The following DNAJC5B variants were observed in gnomAD, a reference collection of about 807,000 sequenced individuals.
DNAJC5B encodes the protein dnaJ homolog subfamily C member 5B.
In DNAJC5B, 23 loss-of-function variants were observed where a neutral mutation model predicts 24.7. The ratio of observed to expected loss-of-function variants is 0.93; its 90% CI spans 0.67 to 1.32. The LOEUF is 1.32. DNAJC5B is among the 40% of genes most tolerant of loss of function. The pLI is 0.00. For missense variants in DNAJC5B, 238 were observed against 240.8 expected, an observed-to-expected ratio of 0.99 and a Z score of 0.08; for synonymous variants, 101 against 90.1, an observed-to-expected ratio of 1.12 and a Z score of -0.68.
chr8:66,060,775 C>T (rs1373988231), intron 3 of DNAJC5B, among the ~76,000 whole-genome samples: 2 of 152,196 alleles, frequency 1.3e-5, no homozygotes, highest in Non-Finnish European at 2.9e-5. Context: ...GTCTCTGACA[C>T]TATCAATGGC....
In DNAJC5B at chr8:66,075,290, C is replaced by A. The variant is rs561225310; in HGVS notation, c.120-1370C>A. 3.9e-5 allele frequency among the ~76,000 whole-genome samples: 6 copies of A among 152,202 alleles called. No individual in the cohort carries two copies. In the South Asian group the frequency reaches 1.2e-3, roughly 31 times the overall value. ...TCTAAAACTCCTGACCTCAAGTGAT[C>A]TGTCTGCCTGGAGATTTCTTCCTTT... On this transcript the variant is annotated intron_variant, in intron 3 of 5. Transcript: ENST00000276570.
At chr8:66,086,895 T>C (rs1338201736) in intron 5 of DNAJC5B, among the ~76,000 whole-genome samples, 1 of 152,310 alleles carries the variant, frequency 6.6e-6, no homozygotes, top group South Asian at 2.1e-4. Context: ...CAAAGTATAG[T>C]AAAACTGATA....
chr8:66,061,058 A>G (rs1807070160), intron 3 of DNAJC5B, among the ~76,000 whole-genome samples: 1 of 152,172 alleles, frequency 6.6e-6, no homozygotes, highest in African/African-American at 2.4e-5. Context: ...TCTCTTTGAG[A>G]TGTTCACATA....
chr8:66,040,901 C>CT (rs896455083), intron 1 of DNAJC5B, among the ~76,000 whole-genome samples: 9 of 151,482 alleles, frequency 5.9e-5, no homozygotes, highest in East Asian at 3.9e-4. Flanking sequence ...TTAAAAGGGA[C>CT]TTTTTTTTTA....
At chr8:66,069,246 T>C (rs1052431868) in intron 3 of DNAJC5B, among the ~76,000 whole-genome samples, 2 of 151,872 alleles carry the variant, frequency 1.3e-5, no homozygotes, top group Non-Finnish European at 2.9e-5. Flanking sequence ...AAAATAAATA[T>C]AGACCAAATG....
At chr8:66,092,887 G>A (rs764114678) in intron 5 of DNAJC5B, among the ~76,000 whole-genome samples, 1 of 151,962 alleles carries the variant, frequency 6.6e-6, no homozygotes, top group Non-Finnish European at 1.5e-5. Flanking sequence ...ATTGTGTGAC[G>A]CTGAAGTGTG....
chr8:66,034,431 G>C (rs1806435735), intron 1 of DNAJC5B, among the ~76,000 whole-genome samples: 1 of 152,008 alleles, frequency 6.6e-6, no homozygotes, highest in South Asian at 2.1e-4. Context: ...GTATTGACAA[G>C]GCAGCAGTTA....
chr8:66,058,535 C>CT lies in DNAJC5B; in HGVS notation c.119+6873dup, dbSNP rs1430784816. 2.0e-5 allele frequency among the ~76,000 whole-genome samples: 3 copies of CT among 152,188 alleles called. No individual in the cohort carries two copies. The East Asian group carries it at 5.8e-4, about 29-fold the overall frequency. On this transcript the variant is annotated intron_variant, in intron 3 of 5. Transcript: ENST00000276570. ...CACTTAGCAAGGAGGTGTGATCCAA[C>CT]TTTTACTGGACGGGAAAGGGACAGT...
rs1807465634 is a variant in DNAJC5B at position 66,076,508 on chromosome 8, A to T, written c.120-152A>T. On this transcript the variant is annotated intron_variant, in intron 3 of 5. Transcript: ENST00000276570. ...GAACCAAGGGACATCATTTAGTGAAAATGTACTTGTTAATCACCGCTAGTC... is the reference window on the plus strand; with the variant it reads ...GAACCAAGGGACATCATTTAGTGAATATGTACTTGTTAATCACCGCTAGTC... 7.6e-6 allele frequency: 6 copies of T among 785,138 alleles called. No individual in the cohort carries two copies. The East Asian group carries it at 1.5e-4, about 20-fold the overall frequency. 48.6% of individuals were successfully genotyped at this position (785,138 alleles called of 1,614,324 possible). A position where few individuals can be genotyped will look rare whatever the true frequency, so the allele number is the denominator to read the frequency against.
intron 5 of DNAJC5B, among the ~76,000 whole-genome samples, chr8:66,089,882 T>A (rs1184149430): frequency 6.6e-6 from 1 of 152,172 alleles, no homozygotes; most frequent in East Asian, 1.9e-4. Flanking sequence ...ATACTCCCAA[T>A]GAGATCCCAG....
chr8:66,051,722 G>GA, intron 3 of DNAJC5B, 56 bp downstream of exon 3: 15 of 1,326,166 alleles, frequency 1.1e-5, no homozygotes, highest in Non-Finnish European at 1.6e-5. Context: ...TTTGTGACTG[G>GA]CAGATTCCTC....
intron 3 of DNAJC5B, among the ~76,000 whole-genome samples, chr8:66,068,113 A>G (rs1373636587): frequency 1.3e-5 from 2 of 152,228 alleles, no homozygotes; most frequent in Admixed American, 1.3e-4. Context: ...CTGGTTTAAG[A>G]TAATATCTTC....
At chr8:66,080,573 A>C (rs925421030) in intron 5 of DNAJC5B, 25 bp downstream of exon 5, 1 of 1,564,808 alleles carries the variant, frequency 6.4e-7, no homozygotes, top group African/African-American at 1.3e-5. Flanking sequence ...GAGCAGAGGT[A>C]GTGAGTGTCC....
intron 3 of DNAJC5B, among the ~76,000 whole-genome samples, chr8:66,072,977 A>G (rs904404766): frequency 6.6e-6 from 1 of 152,180 alleles, no homozygotes; most frequent in Non-Finnish European, 1.5e-5. Flanking sequence ...ATTCAGAAGA[A>G]GGACACCTGT....
At chr8:66,093,142 T>C (rs1807881661) in intron 5 of DNAJC5B, among the ~76,000 whole-genome samples, 1 of 152,198 alleles carries the variant, frequency 6.6e-6, no homozygotes, top group South Asian at 2.1e-4. Flanking sequence ...TCCATTCTAC[T>C]GCTAATGGAC....
intron 2 of DNAJC5B, among the ~76,000 whole-genome samples, chr8:66,046,699 C>A (rs1806730430): frequency 6.6e-6 from 1 of 152,254 alleles, no homozygotes; most frequent in Non-Finnish European, 1.5e-5. Flanking sequence ...GGGCTACAGG[C>A]TGCTTGTCTT....
intron 4 of DNAJC5B, among the ~76,000 whole-genome samples, chr8:66,078,220 C>T (rs1445323705): frequency 6.6e-6 from 1 of 152,132 alleles, no homozygotes; most frequent in Non-Finnish European, 1.5e-5. Context: ...AGAATCTGCC[C>T]AGTAGTGTGA....
At chr8:66,074,577 C>T (rs1188835422) in intron 3 of DNAJC5B, among the ~76,000 whole-genome samples, 2 of 152,228 alleles carry the variant, frequency 1.3e-5, no homozygotes, top group African/African-American at 4.8e-5. Flanking sequence ...TAAAGGCTCA[C>T]ATTCTGGTTG....
intron 2 of DNAJC5B, among the ~76,000 whole-genome samples, chr8:66,048,938 G>A (rs1367928347): frequency 1.3e-5 from 2 of 152,154 alleles, no homozygotes; most frequent in Admixed American, 6.6e-5. Context: ...TAATGGCATG[G>A]TTCCCAAGCA....
Sources: gnomAD v4.1 joint callset for allele counts (sites outside exome capture counted in the v4.1 genomes callset) on GRCh38, gnomAD v4.1.1 for gene constraint, MANE v1.5 for transcripts, NCBI Gene and HGNC (gene_info 2026-07-23, HGNC 2026-07-21) for gene names.